ADAM22: variants seen among roughly 807,000 people sequenced by gnomAD.
ADAM22 encodes ADAM metallopeptidase domain 22.
Under a neutral mutation model 144.6 loss-of-function variants are expected in ADAM22, and 65 were observed. The ratio of observed to expected loss-of-function variants is 0.45; its 90% CI spans 0.37 to 0.55. The LOEUF is 0.55. Among genes scored for constraint, ADAM22 ranks in the 20% least tolerant of loss-of-function variants. The pLI is 0.00. For synonymous variants in ADAM22, 391 were observed against 412.6 expected, an observed-to-expected ratio of 0.95 and a Z score of 0.63; for missense variants, 974 against 1,184.9, an observed-to-expected ratio of 0.82 and a Z score of 2.61.
At chr7:88,168,951 T>A (rs908262226) in intron 25 of ADAM22, among the ~76,000 whole-genome samples, 7 of 152,098 alleles carry the variant, frequency 4.6e-5, no homozygotes, top group Non-Finnish European at 8.8e-5. Context: ...GGAATTAGAA[T>A]CAAAATTTTA....
chr7:88,181,049 A>T (rs1279690229), intron 27 of ADAM22, among the ~76,000 whole-genome samples: 1 of 152,154 alleles, frequency 6.6e-6, no homozygotes, highest in Non-Finnish European at 1.5e-5. Flanking sequence ...GATAAATGTT[A>T]ACCAGGTTCA....
rs558439315 is a variant in ADAM22, at chr7:88,146,181, G to A, written c.1485+674G>A. Among the ~76,000 whole-genome samples, 208 of 152,222 alleles carry A rather than the reference G, an allele frequency of 1.4e-3. 2 individuals are homozygous for A. The highest frequency in any genetic ancestry group is 4.7e-3 in the African/African-American group (197 of 41,540). ...TACAAAATCTGGTGTAATAGTCTAC[G>A]TTATTTCTATCTGTCTCTCACTTTA... On this transcript the variant is annotated intron_variant, in intron 17 of 31. Coordinates refer to ENST00000413139, the MANE Select transcript of ADAM22 (RefSeq NM_001324418.2).
At chr7:88,029,629 T>C (rs1463748057) in intron 3 of ADAM22, among the ~76,000 whole-genome samples, 1 of 152,204 alleles carries the variant, frequency 6.6e-6, no homozygotes, top group Non-Finnish European at 1.5e-5. Context: ...ATTGAATAAC[T>C]TTGTTTAGTG....
intron 23 of ADAM22, 85 bp from the exon 24 acceptor site, chr7:88,165,747 A>T: frequency 1.1e-6 from 1 of 889,046 alleles, no homozygotes; most frequent in Non-Finnish European, 1.7e-6. Context: ...CATTCTAAGC[A>T]TATAATAATA....
At chr7:88,046,125 C>A (rs981693758) in intron 3 of ADAM22, among the ~76,000 whole-genome samples, 2 of 152,066 alleles carry the variant, frequency 1.3e-5, no homozygotes, top group African/African-American at 4.8e-5. Context: ...ATTTTTAATT[C>A]TTGGAGAAAC....
At chr7:87,999,700 A>G (rs1792078029) in intron 3 of ADAM22, among the ~76,000 whole-genome samples, 1 of 152,182 alleles carries the variant, frequency 6.6e-6, no homozygotes, top group Non-Finnish European at 1.5e-5. Context: ...TGGATTTATG[A>G]TATCAGTTAT....
In ADAM22 at chr7:88,189,387, A is replaced by G. The variant is rs562758553; in HGVS notation, c.2750+2686A>G. 3.9e-4 allele frequency among the ~76,000 whole-genome samples: 60 copies of G among 152,366 alleles called. 1 individual carries two copies. The South Asian group carries it at 0.012, about 31-fold the overall frequency. ...TTTTGGTGACTCTGAAAAGAAACGAATAATTACAACTATCATGTATCCAGT... is the reference window on the plus strand; with the variant it reads ...TTTTGGTGACTCTGAAAAGAAACGAGTAATTACAACTATCATGTATCCAGT... On this transcript the variant is annotated intron_variant, in intron 30 of 31. Coordinates refer to ENST00000413139, the MANE Select transcript of ADAM22 (RefSeq NM_001324418.2).
chr7:87,934,534 G>T lies in ADAM22; in HGVS notation c.69G>T (p.Ala23=). The change falls in exon 1 of 32, where the codon GCG becomes GCT. Residue 23 remains alanine, a synonymous_variant. Coordinates refer to ENST00000413139, the MANE Select transcript of ADAM22 (RefSeq NM_001324418.2). ...GTGTCCTGGGGACCTGCCCTCCGGC[G>T]CGCTGCGGCCAGGCAGGTAAGTTAG... is the stretch of plus-strand genomic sequence containing the variant. ...LLCVLGTCPP[A]RCGQAGDASL... The T allele has an allele frequency of 6.2e-7, 1 of 1,608,536 alleles. No individual in the cohort carries two copies.
chr7:88,076,162 C>T (rs1016988257), intron 4 of ADAM22, among the ~76,000 whole-genome samples: 3 of 152,058 alleles, frequency 2.0e-5, no homozygotes, highest in African/African-American at 2.4e-5. Flanking sequence ...CTCAGTCTCC[C>T]GAGTAGCTGG....
At chr7:88,006,703 C>G (rs890396629) in intron 3 of ADAM22, among the ~76,000 whole-genome samples, 4 of 148,834 alleles carry the variant, frequency 2.7e-5, no homozygotes, top group African/African-American at 9.9e-5. Flanking sequence ...ATTCAACAGC[C>G]CTTCATGCTA....
intron 3 of ADAM22, among the ~76,000 whole-genome samples, chr7:87,983,795 G>A (rs1224539074): frequency 6.6e-6 from 1 of 151,932 alleles, no homozygotes; most frequent in African/African-American, 2.4e-5. Context: ...TCTTTATTGT[G>A]TTAAAGCAAT....
chr7:88,005,497 C>T (rs975311844), intron 3 of ADAM22, among the ~76,000 whole-genome samples: 4 of 152,116 alleles, frequency 2.6e-5, no homozygotes, highest in Non-Finnish European at 5.9e-5. Flanking sequence ...TCTTTCCATA[C>T]CCAAGCAGTT....
chr7:88,113,132 T>C, intron 5 of ADAM22, among the ~76,000 whole-genome samples: 1 of 148,598 alleles, frequency 6.7e-6, no homozygotes, highest in East Asian at 2.0e-4. Flanking sequence ...TTTTTTTTTT[T>C]TTTTTTTTTT....
chr7:88,055,786 GTTTA>G (rs1327088954), intron 3 of ADAM22, among the ~76,000 whole-genome samples: 5 of 152,040 alleles, frequency 3.3e-5, no homozygotes, highest in African/African-American at 4.8e-5. Context: ...AACGCTTTTC[GTTTA>G]TTTATTTATG....
Position 87,961,623 on chromosome 7 carries a change from C to T in ADAM22, c.247-16713C>T, listed in dbSNP as rs189615337. Among the ~76,000 whole-genome samples the T allele has an allele frequency of 2.8e-3, 420 of 152,232 alleles. 4 individuals carry two copies. Among genetic ancestry groups the T allele is most frequent in the African/African-American group, 9.6e-3 (397 of 41,540 alleles). Reference sequence around the variant, plus strand: ...CTTTTGCAGGATGTTTTATCTGGTGCGGTTGGCAGATATTTTTAGAATTAG... The same window carrying T: ...CTTTTGCAGGATGTTTTATCTGGTGTGGTTGGCAGATATTTTTAGAATTAG... On this transcript the variant is annotated intron_variant, in intron 2 of 31. Coordinates refer to ENST00000413139, the MANE Select transcript of ADAM22 (RefSeq NM_001324418.2).
At chr7:88,077,645 T>C (rs535671655) in intron 4 of ADAM22, among the ~76,000 whole-genome samples, 10 of 152,212 alleles carry the variant, frequency 6.6e-5, no homozygotes, top group Non-Finnish European at 1.5e-4. Context: ...ACTCCCACCC[T>C]AATACTGCGC....
intron 18 of ADAM22, among the ~76,000 whole-genome samples, chr7:88,150,110 G>A (rs1041366396): frequency 5.9e-5 from 9 of 152,164 alleles, no homozygotes; most frequent in Non-Finnish European, 8.8e-5. Context: ...CTTATTCACC[G>A]ATGTCATTAA....
chr7:88,124,732 A>G (rs1830037282), intron 7 of ADAM22, among the ~76,000 whole-genome samples: 1 of 151,984 alleles, frequency 6.6e-6, no homozygotes, highest in African/African-American at 2.4e-5. Flanking sequence ...GAAAAATGAC[A>G]TGATGGGAGA....
At chr7:87,945,464 A>C (rs1843460738) in intron 2 of ADAM22, among the ~76,000 whole-genome samples, 11 of 152,070 alleles carry the variant, frequency 7.2e-5, no homozygotes, top group Admixed American at 7.2e-4. Flanking sequence ...ATATATTTAC[A>C]AATTTGCCAG....
Sources: gnomAD v4.1 joint callset for allele counts (sites outside exome capture counted in the v4.1 genomes callset) on GRCh38, gnomAD v4.1.1 for gene constraint, MANE v1.5 for transcripts, NCBI Gene and HGNC (gene_info 2026-07-23, HGNC 2026-07-21) for gene names.